Variants in SLC38A6 observed in about 807,000 individuals in gnomAD.
SLC38A6 encodes solute carrier family 38 member 6, also known as N system amino acid transporter NAT-1.
Under a neutral mutation model 65.0 loss-of-function variants are expected in SLC38A6, and 73 were observed. That is an observed-to-expected ratio of 1.12 (90% CI 0.93 to 1.37). SLC38A6 has a LOEUF of 1.37. Among genes scored for constraint, SLC38A6 ranks in the 40% most tolerant of loss-of-function variants. The pLI is 0.00. For synonymous variants in SLC38A6, 183 were observed against 178.8 expected (o/e 1.02, Z -0.19); for missense variants, 561 against 531.1 (o/e 1.06, Z -0.55).
Position 60,982,639 on chromosome 14 carries a change from G to A in SLC38A6, c.236+1G>A, listed in dbSNP as rs747620497. Reference sequence around the variant, plus strand: ...CTAATACCGGTGTCTTTGGATTTAGGTGAGTCTTCATATTTTAGCATCAAA... The same window carrying A: ...CTAATACCGGTGTCTTTGGATTTAGATGAGTCTTCATATTTTAGCATCAAA... On this transcript the variant is annotated splice_donor_variant, in intron 2 of 15. Transcript: ENST00000267488. LOFTEE classifies it high-confidence loss of function. 7 of 1,602,988 alleles carry A rather than the reference G, an allele frequency of 4.4e-6. No homozygotes were observed. In the South Asian group the frequency reaches 7.9e-5, roughly 18 times the overall value.
chr14:60,990,481 C>T (rs918031534), intron 3 of SLC38A6, among the ~76,000 whole-genome samples: 1 of 151,180 alleles, frequency 6.6e-6, no homozygotes, highest in Non-Finnish European at 1.5e-5. Flanking sequence ...CATCTTTATA[C>T]TACCAATCTA....
At chr14:61,080,777 C>T (rs997405048) in intron 16 of SLC38A6, among the ~76,000 whole-genome samples, 11 of 152,284 alleles carry the variant, frequency 7.2e-5, no homozygotes, top group Admixed American at 2.0e-4. Flanking sequence ...CTGTTGGTTT[C>T]GCTCCATTTT....
At chr14:61,030,263 C>CTGTG (rs3080609) in intron 5 of SLC38A6, among the ~76,000 whole-genome samples, 182 bp from the exon 6 acceptor site, 2,954 of 148,780 alleles carry the variant, frequency 0.02, 72 homozygotes, top group South Asian at 0.068. Context: ...AGTTACTTTT[C>CTGTG]TGTGTGTGTG....
chr14:61,015,074 C>T (rs1211711896), intron 3 of SLC38A6, among the ~76,000 whole-genome samples: 3 of 152,204 alleles, frequency 2.0e-5, no homozygotes, highest in Admixed American at 6.5e-5. Flanking sequence ...ATTGAAGCCT[C>T]GGCAATGGCA....
intron 12 of SLC38A6, among the ~76,000 whole-genome samples, chr14:61,046,651 G>T (rs1594736794): frequency 6.6e-6 from 1 of 152,236 alleles, no homozygotes; most frequent in Middle Eastern, 3.4e-3. Context: ...GGATTCAGCA[G>T]ATGTGCATTC....
downstream of SLC38A6, among the ~76,000 whole-genome samples, chr14:61,053,325 C>A (rs1179889655): frequency 1.3e-5 from 2 of 151,968 alleles, no homozygotes; most frequent in African/African-American, 4.8e-5. Context: ...AATAGTGCTA[C>A]AGTGAACAGT....
chr14:61,077,207 A>G (rs1366998180), intron 15 of SLC38A6, among the ~76,000 whole-genome samples: 2 of 152,242 alleles, frequency 1.3e-5, no homozygotes, highest in African/African-American at 4.8e-5. Context: ...AAGACCAGTG[A>G]AAACTTTCTC....
intron 15 of SLC38A6, among the ~76,000 whole-genome samples, chr14:61,071,318 A>C (rs1263855664): frequency 6.6e-6 from 1 of 152,194 alleles, no homozygotes; most frequent in African/African-American, 2.4e-5. Context: ...CTATCCATTT[A>C]ACTGGAATTC....
At chr14:61,067,666 T>G (rs2043070551) in intron 15 of SLC38A6, among the ~76,000 whole-genome samples, 1 of 152,140 alleles carries the variant, frequency 6.6e-6, no homozygotes, top group Non-Finnish European at 1.5e-5. Context: ...CTTGTGCTGT[T>G]GATTTACATT....
chr14:61,061,663 C>G (rs1203930020), intron 15 of SLC38A6, among the ~76,000 whole-genome samples: 1 of 152,124 alleles, frequency 6.6e-6, no homozygotes, highest in Non-Finnish European at 1.5e-5. Flanking sequence ...TCTTCTATGT[C>G]TTTTTGTGGC....
intron 3 of SLC38A6, among the ~76,000 whole-genome samples, chr14:60,992,302 A>G (rs1005139604): frequency 1.3e-5 from 2 of 152,160 alleles, no homozygotes; most frequent in African/African-American, 2.4e-5. Context: ...TTCATCTTTA[A>G]TGGCTCAAAT....
chr14:61,030,027 C>T (rs1456057579), intron 5 of SLC38A6, among the ~76,000 whole-genome samples: 2 of 152,152 alleles, frequency 1.3e-5, no homozygotes, highest in Admixed American at 6.6e-5. Context: ...AATCCAGTTA[C>T]TAGCCATACC....
chr14:61,052,543 A>G lies in SLC38A6; in HGVS notation c.*114A>G. Reference sequence around the variant, plus strand: ...CATTTTAATAAAAATTATTAACAGAAAAGCAGAACAAAATGGCAGTGGGTA... The same window carrying G: ...CATTTTAATAAAAATTATTAACAGAGAAGCAGAACAAAATGGCAGTGGGTA... On this transcript the variant is annotated 3_prime_UTR_variant, in exon 16 of 16. Transcript: ENST00000267488. 2 of 1,392,046 alleles carry G rather than the reference A, an allele frequency of 1.4e-6. No individual in the cohort carries two copies. The highest frequency in any genetic ancestry group is 1.9e-6 in the Non-Finnish European group (2 of 1,075,990). The allele number at this position is 1,392,046 out of a possible 1,614,324, so 86.2% of individuals were successfully genotyped here. A position where few individuals can be genotyped will look rare whatever the true frequency, so the allele number is the denominator to read the frequency against.
chr14:61,061,473 C>G (rs2042839047), intron 15 of SLC38A6, among the ~76,000 whole-genome samples: 1 of 152,122 alleles, frequency 6.6e-6, no homozygotes, highest in Non-Finnish European at 1.5e-5. Flanking sequence ...GGAGTCCCTC[C>G]TCCTCAATTT....
At chr14:60,993,099 C>T (rs1014606132) in intron 3 of SLC38A6, among the ~76,000 whole-genome samples, 2 of 152,146 alleles carry the variant, frequency 1.3e-5, no homozygotes, top group Non-Finnish European at 2.9e-5. Flanking sequence ...CTGCCCACCT[C>T]GGCCTCCCAA....
At chr14:61,018,569 C>T (rs1429483802) in intron 4 of SLC38A6, among the ~76,000 whole-genome samples, 3 of 152,190 alleles carry the variant, frequency 2.0e-5, no homozygotes, top group African/African-American at 7.2e-5. Context: ...TGATTCTAGA[C>T]AGCTAGTCAG....
chr14:61,003,802 G>C (rs1321016744), intron 3 of SLC38A6, among the ~76,000 whole-genome samples: 1 of 152,144 alleles, frequency 6.6e-6, no homozygotes, highest in Non-Finnish European at 1.5e-5. Flanking sequence ...GAATGGAAAA[G>C]TGCTTCTAAT....
At chr14:61,076,626 GT>G (rs2139988704) in intron 15 of SLC38A6, among the ~76,000 whole-genome samples, 1 of 152,264 alleles carries the variant, frequency 6.6e-6, no homozygotes, top group African/African-American at 2.4e-5. Flanking sequence ...CTACAAAAAG[GT>G]TCTGCTCATA....
At chr14:60,988,289 C>G (rs775448154) in intron 3 of SLC38A6, among the ~76,000 whole-genome samples, 12 of 152,178 alleles carry the variant, frequency 7.9e-5, no homozygotes, top group Non-Finnish European at 1.2e-4. Flanking sequence ...AGCTTTTAAT[C>G]TCATGAATGT....
Sources: allele counts gnomAD v4.1 joint callset (sites outside exome capture counted in the v4.1 genomes callset), GRCh38; gene constraint gnomAD v4.1.1; transcripts MANE v1.5; gene names NCBI Gene and HGNC (gene_info 2026-07-23, HGNC 2026-07-21).